Variants in IFNA14 observed in about 807,000 individuals in gnomAD.
IFNA14 encodes the protein interferon alpha-14.
For missense variants in IFNA14, 337 were observed against 214.9 expected (o/e 1.57, Z -3.55); for synonymous variants, 113 against 76.8 (o/e 1.47, Z -2.46).
chr9:21,239,839 T>G lies in IFNA14; in HGVS notation c.97A>C (p.Asn33His). The G allele has an allele frequency of 1.2e-6, 2 of 1,614,126 alleles. No individual in the cohort carries two copies. Among genetic ancestry groups the G allele is most frequent in the Non-Finnish European group, 1.7e-6 (2 of 1,179,984 alleles). ...GCNLSQTHSLNNRRTLMLMAQ... is the reference protein window; with the variant it reads ...GCNLSQTHSLHNRRTLMLMAQ... ...ATGAGCATCAAAGTCCTCCTGTTAT[T>G]CAGGCTGTGGGTTTGAGACAGATTA... The change falls in exon 1 of 1, where the codon AAT (asparagine) becomes CAT (histidine). Residue 33 changes from asparagine (N) to histidine (H), a missense_variant. Coordinates refer to ENST00000380222, the MANE Select transcript of IFNA14 (RefSeq NM_002172.3).
In IFNA14 at chr9:21,239,924, G is replaced by C; in HGVS notation, c.12C>G (p.Pro4=). The C allele has an allele frequency of 6.2e-7, 1 of 1,614,034 alleles. No homozygotes were observed. Among genetic ancestry groups the C allele is most frequent in the Non-Finnish European group, 8.5e-7 (1 of 1,179,944 alleles). Reference sequence around the variant, plus strand: ...CCACCAGGGCCATCATTAAAGCAAAGGGCAATGCCATTGGGAATCCCGAAG... The same window carrying C: ...CCACCAGGGCCATCATTAAAGCAAACGGCAATGCCATTGGGAATCCCGAAG... MAL[P]FALMMALVVL... is the part of the protein sequence containing the mutation. Residue 4 remains proline, a synonymous_variant, in exon 1 of 1, where the codon CCC becomes CCG. Coordinates refer to ENST00000380222, the MANE Select transcript of IFNA14 (RefSeq NM_002172.3).
rs780777127 is a variant in IFNA14 at position 21,239,702 on chromosome 9, A to G, written c.234T>C (p.Ser78=). 6 of 1,613,990 alleles carry G rather than the reference A, an allele frequency of 3.7e-6. No individual in the cohort carries two copies. The highest frequency in any genetic ancestry group is 5.1e-6 in the Non-Finnish European group (6 of 1,179,984). The stretch of plus-strand genomic sequence containing the variant: ...TCTGCTGCATCATCTCATGGAGGAC[A>G]GAGATGGCTTGAGCTTTCTGGAACT... ...GNQFQKAQAI[S]VLHEMMQQTF... is the part of the protein sequence containing the mutation. Residue 78 remains serine, a synonymous_variant, in exon 1 of 1, where the codon TCT becomes TCC. Coordinates refer to ENST00000380222, the MANE Select transcript of IFNA14 (RefSeq NM_002172.3).
In IFNA14 at chr9:21,239,264, T is replaced by C. The variant is rs778381482; in HGVS notation, c.*102A>G. 2.5e-6 allele frequency: 4 copies of C among 1,570,166 alleles called. No homozygotes were observed. Among genetic ancestry groups the C allele is most frequent in the East Asian group, 4.5e-5 (2 of 44,650 alleles). On this transcript the variant is annotated 3_prime_UTR_variant, in exon 1 of 1. Coordinates refer to ENST00000380222, the MANE Select transcript of IFNA14 (RefSeq NM_002172.3). Reference sequence around the variant, plus strand: ...AACATTTGAAAATTTTGATTCAACTTGTGGTGGTTATAGGAGAAGTGAGTC... The same window carrying C: ...AACATTTGAAAATTTTGATTCAACTCGTGGTGGTTATAGGAGAAGTGAGTC...
In IFNA14 at chr9:21,239,767, G is replaced by T. The variant is rs140438955; in HGVS notation, c.169C>A (p.His57Asn). 4 of 1,614,162 alleles carry T rather than the reference G, an allele frequency of 2.5e-6. No individual in the cohort carries two copies. Among genetic ancestry groups the T allele is most frequent in the Non-Finnish European group, 3.4e-6 (4 of 1,180,016 alleles). ...ISPFSCLKDR[H>N]DFEFPQEEFD... ...TCCTCCTGGGGAAATTCAAAGTCAT[G>T]TCTGTCCTTCAGGCAGGAGAAAGGA... Residue 57 changes from histidine (H) to asparagine (N), a missense_variant, in exon 1 of 1, where the codon CAT becomes AAT. His to Asn is a moderately conservative substitution (Grantham distance 68). Transcript: ENST00000380222.
chr9:21,239,229 C>G lies in IFNA14; in HGVS notation c.*137G>C. 1 of 1,458,134 alleles carries G rather than the reference C, an allele frequency of 6.9e-7. No individual in the cohort carries two copies. The highest frequency in any genetic ancestry group is 9.3e-7 in the Non-Finnish European group (1 of 1,079,422). The allele number at this position is 1,458,134 out of a possible 1,614,324, so 90.3% of individuals were successfully genotyped here. Reference sequence around the variant, plus strand: ...CACAGGTATACATGATGCTTCTTTACACTCCTGAAAACATTTGAAAATTTT... The same window carrying G: ...CACAGGTATACATGATGCTTCTTTAGACTCCTGAAAACATTTGAAAATTTT... On this transcript the variant is annotated 3_prime_UTR_variant, in exon 1 of 1. Transcript: ENST00000380222.
chr9:21,239,842 G>C lies in IFNA14; in HGVS notation c.94C>G (p.Leu32Val), dbSNP rs1170525245. ...LGCNLSQTHS[L>V]NNRRTLMLMA... ...AGCATCAAAGTCCTCCTGTTATTCA[G>C]GCTGTGGGTTTGAGACAGATTACAG... The change falls in exon 1 of 1, where the codon CTG becomes GTG. Residue 32 changes from leucine to valine, a missense_variant. By Grantham distance (32) the Leu-to-Val change is conservative. Transcript: ENST00000380222. 6.2e-7 allele frequency: 1 copy of C among 1,614,106 alleles called. No homozygotes were observed. Among genetic ancestry groups the C allele is most frequent in the Admixed American group, 1.7e-5 (1 of 60,010 alleles).
rs773378147 is a variant in IFNA14 at position 21,239,717 on chromosome 9, T to C, written c.219A>G (p.Lys73=). The change falls in exon 1 of 1, where the codon AAA becomes AAG. Residue 73 remains lysine, a synonymous_variant. Transcript: ENST00000380222. ...CATGGAGGACAGAGATGGCTTGAGC[T>C]TTCTGGAACTGGTTGCCATCAAATT... ...QEEFDGNQFQ[K]AQAISVLHEM... is the part of the protein sequence containing the mutation. 4.3e-6 allele frequency: 7 copies of C among 1,614,100 alleles called. No homozygotes were observed. In the South Asian group the frequency reaches 6.6e-5, roughly 15 times the overall value.
chr9:21,239,315 T>C lies in IFNA14; in HGVS notation c.*51A>G, dbSNP rs758123103. 3.7e-6 allele frequency: 6 copies of C among 1,606,258 alleles called. No individual in the cohort carries two copies. Among genetic ancestry groups the C allele is most frequent in the Non-Finnish European group, 5.1e-6 (6 of 1,178,160 alleles). The stretch of plus-strand genomic sequence containing the variant: ...TTTGAAATGGAAGAACTCATGAAAG[T>C]GTGAGATGATGTATTAGTCAATGAG... On this transcript the variant is annotated 3_prime_UTR_variant, in exon 1 of 1. Coordinates refer to ENST00000380222, the MANE Select transcript of IFNA14 (RefSeq NM_002172.3).
At position 21,239,794 on chromosome 9, in the gene IFNA14, A is replaced by T. The variant is rs1008504162; in HGVS notation, c.142T>A (p.Ser48Thr). The T allele has an allele frequency of 3.7e-6, 6 of 1,614,022 alleles. No individual in the cohort carries two copies. The highest frequency in any genetic ancestry group is 5.1e-6 in the Non-Finnish European group (6 of 1,179,994). The change falls in exon 1 of 1, where the codon TCT (serine) becomes ACT (threonine). Residue 48 changes from serine (S) to threonine (T), a missense_variant. Coordinates refer to ENST00000380222, the MANE Select transcript of IFNA14 (RefSeq NM_002172.3). ...LMLMAQMRRI[S>T]PFSCLKDRHD... ...CTGTCCTTCAGGCAGGAGAAAGGAG[A>T]GATTCTCCTCATTTGTGCCATGAGC... is the stretch of plus-strand genomic sequence containing the variant.
Position 21,239,774 on chromosome 9 carries a change from C to G in IFNA14, c.162G>C (p.Lys54Asn). The G allele has an allele frequency of 1.2e-6, 2 of 1,614,106 alleles. No homozygotes were observed. The highest frequency in any genetic ancestry group is 1.7e-6 in the Non-Finnish European group (2 of 1,180,004). The change falls in exon 1 of 1, where the codon AAG becomes AAC. Residue 54 changes from lysine (K) to asparagine (N), a missense_variant. By Grantham distance (94) the Lys-to-Asn change is moderately conservative. Coordinates refer to ENST00000380222, the MANE Select transcript of IFNA14 (RefSeq NM_002172.3). ...MRRISPFSCL[K>N]DRHDFEFPQE... The stretch of plus-strand genomic sequence containing the variant: ...GGGGAAATTCAAAGTCATGTCTGTC[C>G]TTCAGGCAGGAGAAAGGAGAGATTC...
Position 21,239,641 on chromosome 9 carries a change from C to T in IFNA14, c.295G>A (p.Ala99Thr). 1 of 1,613,958 alleles carries T rather than the reference C, an allele frequency of 6.2e-7. No homozygotes were observed. Residue 99 changes from alanine to threonine, a missense_variant, in exon 1 of 1, where the codon GCT becomes ACT. By Grantham distance (58) the Ala-to-Thr change is moderately conservative. Coordinates refer to ENST00000380222, the MANE Select transcript of IFNA14 (RefSeq NM_002172.3). ...NLFSTKNSSA[A>T]WDETLLEKFY... ...TTTTCTAGGAGGGTCTCATCCCAAG[C>T]AGCAGATGAGTTCTTTGTGCTGAAG... is the stretch of plus-strand genomic sequence containing the variant.
Position 21,239,782 on chromosome 9 carries a change from A to G in IFNA14, c.154T>C (p.Cys52Arg), listed in dbSNP as rs781539939. Residue 52 changes from cysteine to arginine, a missense_variant, in exon 1 of 1, where the codon TGC becomes CGC. Coordinates refer to ENST00000380222, the MANE Select transcript of IFNA14 (RefSeq NM_002172.3). Reference sequence around the variant, plus strand: ...TCAAAGTCATGTCTGTCCTTCAGGCAGGAGAAAGGAGAGATTCTCCTCATT... The same window carrying G: ...TCAAAGTCATGTCTGTCCTTCAGGCGGGAGAAAGGAGAGATTCTCCTCATT... ...AQMRRISPFSCLKDRHDFEFP... is the reference protein window; with the variant it reads ...AQMRRISPFSRLKDRHDFEFP... 1.9e-6 allele frequency: 3 copies of G among 1,614,038 alleles called. No homozygotes were observed. Among genetic ancestry groups the G allele is most frequent in the Non-Finnish European group, 2.5e-6 (3 of 1,180,016 alleles).
chr9:21,239,239 A>T lies in IFNA14; in HGVS notation c.*127T>A. 1.3e-6 allele frequency: 2 copies of T among 1,522,892 alleles called. No homozygotes were observed. Among genetic ancestry groups the T allele is most frequent in the South Asian group, 1.3e-5 (1 of 77,906 alleles). The allele number at this position is 1,522,892 out of a possible 1,614,324, so 94.3% of individuals were successfully genotyped here. A position where few individuals can be genotyped will look rare whatever the true frequency, so the allele number is the denominator to read the frequency against. On this transcript the variant is annotated 3_prime_UTR_variant, in exon 1 of 1. Coordinates refer to ENST00000380222, the MANE Select transcript of IFNA14 (RefSeq NM_002172.3). ...CATGATGCTTCTTTACACTCCTGAA[A>T]ACATTTGAAAATTTTGATTCAACTT...
Position 21,239,651 on chromosome 9 carries a change from G to A in IFNA14, c.285C>T (p.Asn95=), listed in dbSNP as rs745567708. 7.1e-5 allele frequency: 115 copies of A among 1,613,866 alleles called. No homozygotes were observed. The highest frequency in any genetic ancestry group is 6.6e-4 in the Middle Eastern group (4 of 6,080). ...GGGTCTCATCCCAAGCAGCAGATGA[G>A]TTCTTTGTGCTGAAGAGATTGAAGG... The part of the protein sequence containing the change: ...QQTFNLFSTK[N]SSAAWDETLL... Residue 95 remains asparagine, a synonymous_variant, in exon 1 of 1, where the codon AAC becomes AAT. Transcript: ENST00000380222.
In IFNA14 at chr9:21,239,889, C is replaced by A. The variant is rs547588685; in HGVS notation, c.47G>T (p.Cys16Phe). Residue 16 changes from cysteine (C) to phenylalanine (F), a missense_variant, in exon 1 of 1, where the codon TGC (cysteine) becomes TTC (phenylalanine). Physicochemically the swap from Cys to Phe is radical, Grantham distance 205. Transcript: ENST00000380222. ...ACAGCCCAGAGAGCAGCTTGACTTG[C>A]AGCTGAGCACCACCAGGGCCATCAT... ...ALMMALVVLS[C>F]KSSCSLGCNL... The A allele has an allele frequency of 6.2e-6, 10 of 1,614,094 alleles. No homozygotes were observed. Among genetic ancestry groups the A allele is most frequent in the Non-Finnish European group, 8.5e-6 (10 of 1,179,996 alleles).
Position 21,239,636 on chromosome 9 carries a change from C to G in IFNA14, c.300G>C (p.Trp100Cys), listed in dbSNP as rs765151620. Residue 100 changes from tryptophan (W) to cysteine (C), a missense_variant, in exon 1 of 1, where the codon TGG (tryptophan) becomes TGC (cysteine). Coordinates refer to ENST00000380222, the MANE Select transcript of IFNA14 (RefSeq NM_002172.3). ...LFSTKNSSAA[W>C]DETLLEKFYI... ...AGAATTTTTCTAGGAGGGTCTCATC[C>G]CAAGCAGCAGATGAGTTCTTTGTGC... 6.2e-7 allele frequency: 1 copy of G among 1,613,902 alleles called. No individual in the cohort carries two copies. Among genetic ancestry groups the G allele is most frequent in the Non-Finnish European group, 8.5e-7 (1 of 1,179,906 alleles).
In IFNA14 at chr9:21,239,598, A is replaced by G. The variant is rs1425648536; in HGVS notation, c.338T>C (p.Phe113Ser). The G allele has an allele frequency of 6.2e-7, 1 of 1,613,992 alleles. No homozygotes were observed. Among genetic ancestry groups the G allele is most frequent in the East Asian group, 2.2e-5 (1 of 44,872 alleles). Residue 113 changes from phenylalanine to serine, a missense_variant, in exon 1 of 1, where the codon TTC becomes TCC. Phe to Ser is a radical substitution (Grantham distance 155, BLOSUM62 -2). Coordinates refer to ENST00000380222, the MANE Select transcript of IFNA14 (RefSeq NM_002172.3). The part of the protein sequence containing the change: ...TLLEKFYIEL[F>S]QQMNDLEACV... ...GGCTTCCAGGTCATTCATTTGCTGG[A>G]AAAGTTCAATGTAGAATTTTTCTAG...
In IFNA14 at chr9:21,239,278, G is replaced by A. The variant is rs1199791313; in HGVS notation, c.*88C>T. 1 of 1,587,570 alleles carries A rather than the reference G, an allele frequency of 6.3e-7. No homozygotes were observed. Among genetic ancestry groups the A allele is most frequent in the Non-Finnish European group, 8.5e-7 (1 of 1,171,718 alleles). On this transcript the variant is annotated 3_prime_UTR_variant, in exon 1 of 1. Transcript: ENST00000380222. ...TTGATTCAACTTGTGGTGGTTATAG[G>A]AGAAGTGAGTCTTTGAAATGGAAGA...
chr9:21,239,568 A>T lies in IFNA14; in HGVS notation c.368T>A (p.Val123Glu). 1.2e-6 allele frequency: 2 copies of T among 1,614,030 alleles called. No homozygotes were observed. Among genetic ancestry groups the T allele is most frequent in the African/African-American group, 1.3e-5 (1 of 75,006 alleles). Residue 123 changes from valine to glutamate, a missense_variant, in exon 1 of 1, where the codon GTG becomes GAG. Val to Glu is a moderately radical substitution (Grantham distance 121). Transcript: ENST00000380222. The part of the protein sequence containing the change: ...FQQMNDLEAC[V>E]IQEVGVEETP... ...CTCTTCCACCCCAACCTCCTGTATC[A>T]CACAGGCTTCCAGGTCATTCATTTG...
Sources: allele counts gnomAD v4.1 joint callset, GRCh38; gene constraint gnomAD v4.1.1; transcripts MANE v1.5; gene names NCBI Gene and HGNC (gene_info 2026-07-23, HGNC 2026-07-21).